Variants in STOML2 observed in about 807,000 individuals in gnomAD.
STOML2 encodes stomatin-like protein 2, mitochondrial.
A neutral mutation model predicts 45.7 loss-of-function variants in STOML2; 22 were observed. That is an observed-to-expected ratio of 0.48 (90% CI 0.34 to 0.69). STOML2 has a LOEUF of 0.69. STOML2 is among the 30% of genes least tolerant of loss of function. The pLI is 0.01. For missense variants in STOML2, 359 were observed against 466.9 expected, an observed-to-expected ratio of 0.77 and a Z score of 2.13; for synonymous variants, 181 against 182.7, an observed-to-expected ratio of 0.99 and a Z score of 0.08.
intron 8 of STOML2, 52 bp from the exon 9 acceptor site, chr9:35,100,778 G>C (rs538633881): frequency 1.3e-5 from 21 of 1,613,562 alleles, no homozygotes; most frequent in South Asian, 2.2e-5. Context: ...GAGAAGAAGG[G>C]GGGGATGGGG....
Position 35,100,311 on chromosome 9 carries a change from A to C in STOML2, c.934-139T>G. 6.8e-6 allele frequency: 8 copies of C among 1,173,850 alleles called. No individual in the cohort carries two copies. The South Asian group carries it at 1.2e-4, about 18-fold the overall frequency. The allele number at this position is 1,173,850 out of a possible 1,614,324, so 72.7% of individuals were successfully genotyped here. A position where few individuals can be genotyped will look rare whatever the true frequency, so the allele number is the denominator to read the frequency against. ...TCTCCCTCTCTCAAACCTGTCTTGT[A>C]AGCTCTGGAGTTGATTTTAGGAATC... On this transcript the variant is annotated intron_variant, in intron 9 of 9. Transcript: ENST00000356493.
Position 35,103,098 on chromosome 9 carries a change from C to G in STOML2, c.-4G>C. The G allele has an allele frequency of 1.2e-6, 2 of 1,613,378 alleles. No homozygotes were observed. Among genetic ancestry groups the G allele is most frequent in the Non-Finnish European group, 1.7e-6 (2 of 1,179,934 alleles). Reference sequence around the variant, plus strand: ...CCCGCGCCGCGCGCGCCAGCATTTCCCACCGCCGCAGCGACCTCCGGAACC... The same window carrying G: ...CCCGCGCCGCGCGCGCCAGCATTTCGCACCGCCGCAGCGACCTCCGGAACC... On this transcript the variant is annotated 5_prime_UTR_variant, in exon 1 of 10. Coordinates refer to ENST00000356493, the MANE Select transcript of STOML2 (RefSeq NM_013442.3).
rs756209547 is a variant in STOML2, at chr9:35,101,086, T to C, written c.724+49A>G. The C allele has an allele frequency of 2.3e-5, 37 of 1,613,060 alleles. No homozygotes were observed. The South Asian group carries it at 4.0e-4, about 17-fold the overall frequency. On this transcript the variant is annotated intron_variant, in intron 7 of 9. Coordinates refer to ENST00000356493, the MANE Select transcript of STOML2 (RefSeq NM_013442.3). The surrounding 1 kb of genome is among the most constrained non-coding windows in gnomAD (Gnocchi z 4.3). ...CAAAGATCCTGCCCCAGCACCAATC[T>C]TCAAAGGCCCATGCCTTGCTCCTCC...
chr9:35,100,795 G>A lies in STOML2; in HGVS notation c.805-69C>T. On this transcript the variant is annotated intron_variant, in intron 8 of 9. Coordinates refer to ENST00000356493, the MANE Select transcript of STOML2 (RefSeq NM_013442.3). ...GAAGAAGGGGGGGATGGGGAATGAA[G>A]AAAGCAGTTCACAATAAAAAGGACC... is the stretch of plus-strand genomic sequence containing the variant. The A allele has an allele frequency of 3.1e-6, 5 of 1,613,106 alleles. No homozygotes were observed. The Admixed American group carries it at 5.0e-5, about 16-fold the overall frequency.
At chr9:35,100,478 A>AG (rs1409516752) in intron 9 of STOML2, 120 bp downstream of exon 9, 1 of 1,339,478 alleles carries the variant, frequency 7.5e-7, no homozygotes, top group Non-Finnish European at 1.0e-6. Context: ...GAATGAAGGG[A>AG]GGTCTAGGGC....
At position 35,100,646 on chromosome 9, in the gene STOML2, A is replaced by T; in HGVS notation, c.885T>A (p.Thr295=). Residue 295 remains threonine, a synonymous_variant, in exon 9 of 10, where the codon ACT becomes ACA. Transcript: ENST00000356493. ...CGCCAGGGTTGGAGGGCAGTAGGAT[A>T]GTGTTGGAGTCCTTGGCCAGTTTGG... The part of the protein sequence containing the change: ...AFSKLAKDSN[T]ILLPSNPGDV... 1 of 1,614,100 alleles carries T rather than the reference A, an allele frequency of 6.2e-7. No individual in the cohort carries two copies. The highest frequency in any genetic ancestry group is 8.5e-7 in the Non-Finnish European group (1 of 1,179,996).
At position 35,100,679 on chromosome 9, in the gene STOML2, G is replaced by T; in HGVS notation, c.852C>A (p.Ser284Arg). The T allele has an allele frequency of 6.2e-7, 1 of 1,614,142 alleles. No individual in the cohort carries two copies. Among genetic ancestry groups the T allele is most frequent in the South Asian group, 1.1e-5 (1 of 91,078 alleles). The stretch of plus-strand genomic sequence containing the variant: ...AGTCCTTGGCCAGTTTGGAGAACGC[G>T]CTGACATACTGCTCGGCCACAGTCA... ...ASLTVAEQYV[S>R]AFSKLAKDSN... Residue 284 changes from serine (S) to arginine (R), a missense_variant, in exon 9 of 10, where the codon AGC becomes AGA. Physicochemically the swap from Ser to Arg is moderately radical, Grantham distance 110 (BLOSUM62 -1). This residue lies in a region of STOML2 where 285 missense variants were observed against 422.0 expected (regional missense o/e 0.68). Coordinates refer to ENST00000356493, the MANE Select transcript of STOML2 (RefSeq NM_013442.3).
Position 35,102,421 on chromosome 9 carries a change from G to A in STOML2, c.184-227C>T, listed in dbSNP as rs1441868001. On this transcript the variant is annotated intron_variant, in intron 2 of 9. Transcript: ENST00000356493. This position sits in a 1 kb window ranked among gnomAD's most constrained non-coding sequence, Gnocchi z 4.8. ...ATGGAGGGGAGAGTCATGAGAATCG[G>A]AGCCAGCAGAATAGCCATCTCTATG... 3 of 656,790 alleles carry A rather than the reference G, an allele frequency of 4.6e-6. No homozygotes were observed. Among genetic ancestry groups the A allele is most frequent in the Non-Finnish European group, 7.7e-6 (3 of 388,660 alleles). The allele number at this position is 656,790 out of a possible 1,614,324, so 40.7% of individuals were successfully genotyped here.
chr9:35,100,209 T>C (rs762260327), intron 9 of STOML2, 37 bp from the exon 10 acceptor site: 33 of 1,606,848 alleles, frequency 2.1e-5, no homozygotes, highest in African/African-American at 1.1e-4. Flanking sequence ...ATGAGGACAC[T>C]TGACAGAGGT....
Position 35,102,596 on chromosome 9 carries a change from G to A in STOML2, c.183+90C>T. On this transcript the variant is annotated intron_variant, in intron 2 of 9. Coordinates refer to ENST00000356493, the MANE Select transcript of STOML2 (RefSeq NM_013442.3). This position sits in a 1 kb window ranked among gnomAD's most constrained non-coding sequence, Gnocchi z 4.8. ...CTACAGAGTCGGGAGCTAACAGTGC[G>A]GGCAGGCCCAAAGGAAGTCCTCCCG... is the stretch of plus-strand genomic sequence containing the variant. The A allele has an allele frequency of 1.9e-6, 3 of 1,559,712 alleles. No homozygotes were observed. Among genetic ancestry groups the A allele is most frequent in the Non-Finnish European group, 8.7e-7 (1 of 1,154,800 alleles).
chr9:35,099,791 G>A lies in STOML2; in HGVS notation c.*244C>T. The A allele has an allele frequency of 2.2e-6, 1 of 455,402 alleles. No homozygotes were observed. Among genetic ancestry groups the A allele is most frequent in the Non-Finnish European group, 4.0e-6 (1 of 249,528 alleles). 28.2% of individuals were successfully genotyped at this position (455,402 alleles called of 1,614,324 possible). On this transcript the variant is annotated 3_prime_UTR_variant, in exon 10 of 10. Transcript: ENST00000356493. Reference sequence around the variant, plus strand: ...CAAAAATGATAGTTTCACTTTACAAGAAGTTCACTCTTATTCATGGAGGCA... The same window carrying A: ...CAAAAATGATAGTTTCACTTTACAAAAAGTTCACTCTTATTCATGGAGGCA...
chr9:35,101,511 G>A lies in STOML2; in HGVS notation c.494C>T (p.Ala165Val). The A allele has an allele frequency of 6.2e-7, 1 of 1,614,122 alleles. No individual in the cohort carries two copies. The highest frequency in any genetic ancestry group is 8.5e-7 in the Non-Finnish European group (1 of 1,180,040). The change falls in exon 6 of 10, where the codon GCT (alanine) becomes GTT (valine). Residue 165 changes from alanine to valine, a missense_variant. This residue lies in a region of STOML2 where 285 missense variants were observed against 422.0 expected (regional missense o/e 0.68). Transcript: ENST00000356493. The surrounding 1 kb of genome is among the most constrained non-coding windows in gnomAD (Gnocchi z 4.3). ...ASIVDAINQA[A>V]DCWGIRCLRY... ...GAGGCAGCGGATACCCCAGCAGTCAGCAGCTTGGTTGATGGCATCCACAAT... is the reference window on the plus strand; with the variant it reads ...GAGGCAGCGGATACCCCAGCAGTCAACAGCTTGGTTGATGGCATCCACAAT...
chr9:35,102,548 G>T lies in STOML2; in HGVS notation c.183+138C>A. 1 of 1,398,300 alleles carries T rather than the reference G, an allele frequency of 7.2e-7. No homozygotes were observed. Among genetic ancestry groups the T allele is most frequent in the South Asian group, 1.4e-5 (1 of 72,910 alleles). 86.6% of individuals were successfully genotyped at this position (1,398,300 alleles called of 1,614,324 possible). A position where few individuals can be genotyped will look rare whatever the true frequency, so the allele number is the denominator to read the frequency against. ...GGTAACATGGGGATGATGGTCAGCAGCCTGGGCCCTGTCAGGTCTGGCCTA... is the reference window on the plus strand; with the variant it reads ...GGTAACATGGGGATGATGGTCAGCATCCTGGGCCCTGTCAGGTCTGGCCTA... On this transcript the variant is annotated intron_variant, in intron 2 of 9. Transcript: ENST00000356493. This position sits in a 1 kb window ranked among gnomAD's most constrained non-coding sequence, Gnocchi z 4.8.
In STOML2 at chr9:35,100,230, C is replaced by T; in HGVS notation, c.934-58G>A. 5.7e-6 allele frequency: 9 copies of T among 1,590,242 alleles called. No individual in the cohort carries two copies. The South Asian group carries it at 8.9e-5, about 16-fold the overall frequency. On this transcript the variant is annotated intron_variant, in intron 9 of 9. Transcript: ENST00000356493. ...ACACTTGACAGAGGTGCAGCCCAGC[C>T]TACCAATGGCTAAACGGGAAAAGAT...
In STOML2 at chr9:35,102,680, T is replaced by C. The variant is rs776162461; in HGVS notation, c.183+6A>G. The stretch of plus-strand genomic sequence containing the variant: ...TGGCCCAGGGTGGGCAGAAGAGGTT[T>C]CTCACAGGCTCCAGGATCCGGTGGA... On this transcript the variant is annotated splice_donor_region_variant and intron_variant, in intron 2 of 9. Transcript: ENST00000356493. The surrounding 1 kb of genome is among the most constrained non-coding windows in gnomAD (Gnocchi z 4.8). 3 of 1,612,202 alleles carry C rather than the reference T, an allele frequency of 1.9e-6. No individual in the cohort carries two copies. The South Asian group carries it at 3.3e-5, about 18-fold the overall frequency.
In STOML2 at chr9:35,102,534, G is replaced by A; in HGVS notation, c.183+152C>T. On this transcript the variant is annotated intron_variant, in intron 2 of 9. Transcript: ENST00000356493. The surrounding 1 kb of genome is among the most constrained non-coding windows in gnomAD (Gnocchi z 4.8). ...GCATAGGAAAAGGTGGTAACATGGG[G>A]ATGATGGTCAGCAGCCTGGGCCCTG... 1 of 1,297,712 alleles carries A rather than the reference G, an allele frequency of 7.7e-7. No individual in the cohort carries two copies. The highest frequency in any genetic ancestry group is 1.1e-6 in the Non-Finnish European group (1 of 944,584). The allele number at this position is 1,297,712 out of a possible 1,614,324, so 80.4% of individuals were successfully genotyped here. A position where few individuals can be genotyped will look rare whatever the true frequency, so the allele number is the denominator to read the frequency against.
rs1829856721 is a variant in STOML2, at chr9:35,102,983, C to T, written c.45+67G>A. The T allele has an allele frequency of 1.9e-6, 3 of 1,602,828 alleles. No homozygotes were observed. The highest frequency in any genetic ancestry group is 2.6e-6 in the Non-Finnish European group (3 of 1,173,468). On this transcript the variant is annotated intron_variant, in intron 1 of 9. Transcript: ENST00000356493. This position sits in a 1 kb window ranked among gnomAD's most constrained non-coding sequence, Gnocchi z 4.8. ...GTCCTCTCCAAAAGTTGGAATTTCG[C>T]TCTTTTCCAGCGGAGAACCCAGGTA...
At chr9:35,103,165 G>A (rs1399540422), upstream of STOML2, 2 of 1,583,532 alleles carry the variant, frequency 1.3e-6, no homozygotes, top group Non-Finnish European at 1.7e-6. Flanking sequence ...GCCTACCCGA[G>A]CCTTTCCTCT....
In STOML2 at chr9:35,100,532, G is replaced by A. The variant is rs1481899965; in HGVS notation, c.933+66C>T. Reference sequence around the variant, plus strand: ...TTTATGGTATGTAAGTGTTGATGACGGTGGTGGGGTCTCAGTTTGGTCCCT... The same window carrying A: ...TTTATGGTATGTAAGTGTTGATGACAGTGGTGGGGTCTCAGTTTGGTCCCT... On this transcript the variant is annotated intron_variant, in intron 9 of 9. Coordinates refer to ENST00000356493, the MANE Select transcript of STOML2 (RefSeq NM_013442.3). The A allele has an allele frequency of 1.0e-5, 16 of 1,602,652 alleles. No individual in the cohort carries two copies. The East Asian group carries it at 1.3e-4, about 13-fold the overall frequency.
Sources: allele counts gnomAD v4.1 joint callset, GRCh38; gene constraint gnomAD v4.1.1; regional missense constraint gnomAD v4.1.1; non-coding constraint Gnocchi (gnomAD v3.1); transcripts MANE v1.5; gene names NCBI Gene and HGNC (gene_info 2026-07-23, HGNC 2026-07-21).